The following BCAS3 variants were observed in gnomAD, a reference collection of about 807,000 sequenced individuals.
BCAS3 encodes the protein BCAS4/BCAS3 fusion.
In BCAS3, 53 loss-of-function variants were observed where a neutral mutation model predicts 116.1. The observed-to-expected ratio is 0.46, with a 90% CI of 0.37 to 0.57. The LOEUF is 0.57. BCAS3 is among the 20% of genes least tolerant of loss of function. The pLI is 0.00. For synonymous variants in BCAS3, 391 were observed against 408.2 expected (o/e 0.96, Z 0.51); for missense variants, 917 against 1,165.4 (o/e 0.79, Z 3.10).
rs2081020830 is a variant in BCAS3 at position 61,204,571 on chromosome 17, CA to C, written c.2425+120008del. ...TTCATCATTGTAACTTTCTTAAAAA[CA>C]GAATTTATAGCCCCTTTATTAAATA... On this transcript the variant is annotated intron_variant, in intron 22 of 23. Transcript: ENST00000407086. This position sits in a 1 kb window ranked among gnomAD's most constrained non-coding sequence, Gnocchi z 4.2. Among the ~76,000 whole-genome samples, 3 of 152,092 alleles carry C rather than the reference CA, an allele frequency of 2.0e-5. No individual in the cohort carries two copies. In the South Asian group the frequency reaches 6.2e-4, roughly 31 times the overall value.
Position 61,151,272 on chromosome 17 carries a change from A to G in BCAS3, c.2425+66708A>G, listed in dbSNP as rs1314076205. Reference sequence around the variant, plus strand: ...GATTAGGGATTCTCAACCAGTAAGTATATAATGCAAATATTCTAAGATCTG... The same window carrying G: ...GATTAGGGATTCTCAACCAGTAAGTGTATAATGCAAATATTCTAAGATCTG... On this transcript the variant is annotated intron_variant, in intron 22 of 23. Transcript: ENST00000407086. This position sits in a 1 kb window ranked among gnomAD's most constrained non-coding sequence, Gnocchi z 4.8. 1.3e-5 allele frequency among the ~76,000 whole-genome samples: 2 copies of G among 152,174 alleles called. No homozygotes were observed. The highest frequency in any genetic ancestry group is 2.9e-5 in the Non-Finnish European group (2 of 68,034).
At chr17:60,881,283 C>G (rs2056121716) in intron 9 of BCAS3, among the ~76,000 whole-genome samples, 1 of 152,062 alleles carries the variant, frequency 6.6e-6, no homozygotes, top group South Asian at 2.1e-4. Flanking sequence ...CTGGTCTTTT[C>G]ACTTTCTTTA....
chr17:60,799,757 T>C (rs1355912995), intron 6 of BCAS3, among the ~76,000 whole-genome samples: 1 of 134,770 alleles, frequency 7.4e-6, no homozygotes, highest in African/African-American at 3.0e-5. Context: ...GGTTTCACCA[T>C]GTTGGCCAGG....
intron 4 of BCAS3, among the ~76,000 whole-genome samples, chr17:60,692,895 A>G (rs929179268): frequency 6.6e-6 from 1 of 150,460 alleles, no homozygotes; most frequent in Non-Finnish European, 1.5e-5. Context: ...ATCCTTTCTC[A>G]AAAAAAGAAA....
chr17:60,886,445 T>C (rs1024085920), intron 9 of BCAS3: 76 of 151,874 alleles, frequency 5.0e-4, no homozygotes, highest in African/African-American at 6.7e-4. Flanking sequence ...TCTCTCAGCT[T>C]GTCAAAGTCA....
chr17:61,380,642 G>A lies in BCAS3; in HGVS notation c.2594-11335G>A. The A allele has an allele frequency of 1.0e-5, 15 of 1,461,940 alleles. No homozygotes were observed. The highest frequency in any genetic ancestry group is 1.3e-5 in the Non-Finnish European group (14 of 1,062,878). 90.6% of individuals were successfully genotyped at this position (1,461,940 alleles called of 1,614,324 possible). A position where few individuals can be genotyped will look rare whatever the true frequency, so the allele number is the denominator to read the frequency against. On this transcript the variant is annotated intron_variant, in intron 23 of 23. Coordinates refer to ENST00000407086, the MANE Select transcript of BCAS3 (RefSeq NM_017679.5). This position sits in a 1 kb window ranked among gnomAD's most constrained non-coding sequence, Gnocchi z 4.2. The stretch of plus-strand genomic sequence containing the variant: ...TGCTTCTTTTGTCCCTCAAGAGGGT[G>A]CCCTCCTACCCCCTCGTGCCCAGGC...
chr17:61,110,594 G>A (rs1288273138), intron 22 of BCAS3, among the ~76,000 whole-genome samples: 6 of 152,164 alleles, frequency 3.9e-5, no homozygotes, highest in African/African-American at 1.2e-4. Context: ...AGGGTCCTAC[G>A]CCCACGGAGT....
chr17:61,093,856 T>C (rs1450619042), intron 22 of BCAS3, among the ~76,000 whole-genome samples: 1 of 152,258 alleles, frequency 6.6e-6, no homozygotes, highest in East Asian at 1.9e-4. Context: ...ACCTTTGTTT[T>C]TCATTCTGGT....
chr17:60,707,108 C>T (rs906381856), intron 4 of BCAS3, among the ~76,000 whole-genome samples: 22 of 151,964 alleles, frequency 1.4e-4, no homozygotes, highest in Non-Finnish European at 2.8e-4. Context: ...TCTCCTGCTG[C>T]AGCCTCCCGT....
chr17:61,020,026 G>A lies in BCAS3; in HGVS notation c.1637+4125G>A, dbSNP rs2065762136. ...TTTCAATATACCTGATAATGTAGTT[G>A]GTAAAATTATGTACTTAGGTTAGAT... On this transcript the variant is annotated intron_variant, in intron 16 of 23. Transcript: ENST00000407086. This position sits in a 1 kb window ranked among gnomAD's most constrained non-coding sequence, Gnocchi z 4.5. Among the ~76,000 whole-genome samples, 1 of 152,132 alleles carries A rather than the reference G, an allele frequency of 6.6e-6. No individual in the cohort carries two copies. Among genetic ancestry groups the A allele is most frequent in the Non-Finnish European group, 1.5e-5 (1 of 68,022 alleles).
rs1191955804 is a variant in BCAS3, at chr17:61,020,472, T to C, written c.1637+4571T>C. Among the ~76,000 whole-genome samples the C allele has an allele frequency of 3.3e-5, 5 of 152,232 alleles. No individual in the cohort carries two copies. Among genetic ancestry groups the C allele is most frequent in the Admixed American group, 6.5e-5 (1 of 15,286 alleles). ...TACATTGATGGAGGTAAAAGAAGTG[T>C]TAGACATTATTTGGCTCCAATAATC... On this transcript the variant is annotated intron_variant, in intron 16 of 23. Transcript: ENST00000407086. This position sits in a 1 kb window ranked among gnomAD's most constrained non-coding sequence, Gnocchi z 4.5.
chr17:61,064,372 G>C (rs1389788611), intron 19 of BCAS3, among the ~76,000 whole-genome samples: 1 of 152,036 alleles, frequency 6.6e-6, no homozygotes, highest in Non-Finnish European at 1.5e-5. Flanking sequence ...AACTGATCTG[G>C]CTGATAGCAT....
chr17:61,133,978 CCAAGGAG>C (rs1459587513), intron 22 of BCAS3, among the ~76,000 whole-genome samples: 1 of 151,268 alleles, frequency 6.6e-6, no homozygotes, highest in Admixed American at 6.6e-5. Flanking sequence ...CATATGTGTT[CCAAGGAG>C]CAATGGAGCA....
intron 20 of BCAS3, among the ~76,000 whole-genome samples, chr17:61,076,621 C>T (rs1246887858): frequency 6.6e-6 from 1 of 152,184 alleles, no homozygotes; most frequent in Non-Finnish European, 1.5e-5. Context: ...GTAATGTGTG[C>T]TGTCAGTGTG....
Position 61,214,698 on chromosome 17 carries a change from A to C in BCAS3, c.2425+130134A>C, listed in dbSNP as rs1344109712. On this transcript the variant is annotated intron_variant, in intron 22 of 23. Coordinates refer to ENST00000407086, the MANE Select transcript of BCAS3 (RefSeq NM_017679.5). This position sits in a 1 kb window ranked among gnomAD's most constrained non-coding sequence, Gnocchi z 4.4. ...AGAGCAAGACTCCATCTCAAAAAAA[A>C]AGAAAAAAAGAAAAAAATTCAAAAA... Among the ~76,000 whole-genome samples, 1 of 152,202 alleles carries C rather than the reference A, an allele frequency of 6.6e-6. No homozygotes were observed. Among genetic ancestry groups the C allele is most frequent in the Non-Finnish European group, 1.5e-5 (1 of 68,034 alleles).
rs1278415353 is a variant in BCAS3, at chr17:61,139,362, C to T, written c.2425+54798C>T. Among the ~76,000 whole-genome samples, 1 of 152,158 alleles carries T rather than the reference C, an allele frequency of 6.6e-6. No individual in the cohort carries two copies. Among genetic ancestry groups the T allele is most frequent in the Non-Finnish European group, 1.5e-5 (1 of 68,026 alleles). ...CTGTGATCTGGCCAAACGAGGTTCA[C>T]AAATGCTGTTTTCATATTTGTGGTT... On this transcript the variant is annotated intron_variant, in intron 22 of 23. Transcript: ENST00000407086. This position sits in a 1 kb window ranked among gnomAD's most constrained non-coding sequence, Gnocchi z 4.7.
chr17:60,976,989 G>A (rs893551044), intron 14 of BCAS3, among the ~76,000 whole-genome samples: 5 of 151,918 alleles, frequency 3.3e-5, no homozygotes, highest in Non-Finnish European at 5.9e-5. Context: ...GGACAGAGGG[G>A]CTCCTCACTT....
chr17:61,059,062 T>A (rs1338640183), intron 19 of BCAS3, among the ~76,000 whole-genome samples: 1 of 114,920 alleles, frequency 8.7e-6, no homozygotes, highest in African/African-American at 3.3e-5. Context: ...TTTCTCCCCA[T>A]CTTTTTTTTT....
intron 22 of BCAS3, among the ~76,000 whole-genome samples, chr17:61,246,318 A>G (rs1212096112): frequency 6.6e-6 from 1 of 151,656 alleles, no homozygotes; most frequent in Non-Finnish European, 1.5e-5. Flanking sequence ...CCATCTCTAC[A>G]AAAAATACAA....
Sources: allele counts gnomAD v4.1 joint callset (sites outside exome capture counted in the v4.1 genomes callset), GRCh38; gene constraint gnomAD v4.1.1; non-coding constraint Gnocchi (gnomAD v3.1); transcripts MANE v1.5; gene names NCBI Gene and HGNC (gene_info 2026-07-23, HGNC 2026-07-21).